SRGAP3: variants seen among roughly 807,000 people sequenced by gnomAD.
SRGAP3 encodes the protein SLIT-ROBO Rho GTPase activating protein 3.
SRGAP3 carries 39 observed loss-of-function variants against 121.1 expected under a neutral mutation model. That is an observed-to-expected ratio of 0.32 (90% CI 0.25 to 0.42). SRGAP3 has a LOEUF of 0.42. SRGAP3 is among the 10% of genes least tolerant of loss of function. The pLI, the probability that SRGAP3 is intolerant of heterozygous loss-of-function variation, is 1.00. For synonymous variants in SRGAP3, 601 were observed against 570.0 expected, an observed-to-expected ratio of 1.05 and a Z score of -0.77; for missense variants, 1,213 against 1,470.6, an observed-to-expected ratio of 0.82 and a Z score of 2.86.
At chr3:9,356,177 A>G (rs1379784337) in intron 1 of SRGAP3, among the ~76,000 whole-genome samples, 1 of 146,336 alleles carries the variant, frequency 6.8e-6, no homozygotes, top group Non-Finnish European at 1.5e-5. Flanking sequence ...AGACCTGTTT[A>G]TGGGACTTTT....
intron 3 of SRGAP3, among the ~76,000 whole-genome samples, chr3:9,304,124 A>T (rs2125275869): frequency 1.3e-5 from 2 of 152,320 alleles, no homozygotes; most frequent in Middle Eastern, 6.8e-3. Flanking sequence ...TACGACTTAC[A>T]GACCAGTTAG....
intron 1 of SRGAP3, among the ~76,000 whole-genome samples, chr3:9,197,640 T>A (rs1367463125): frequency 6.6e-6 from 1 of 152,222 alleles, no homozygotes; most frequent in Non-Finnish European, 1.5e-5. Flanking sequence ...GTAACTTGTC[T>A]ATAGTTGTGA....
intron 1 of SRGAP3, among the ~76,000 whole-genome samples, chr3:9,197,629 T>C (rs556025676): frequency 6.6e-6 from 1 of 152,334 alleles, no homozygotes; most frequent in East Asian, 1.9e-4. Context: ...CAGAAGACCA[T>C]GTAACTTGTC....
intron 4 of SRGAP3, among the ~76,000 whole-genome samples, chr3:9,077,384 G>A (rs1415269815): frequency 2.0e-5 from 3 of 152,106 alleles, no homozygotes; most frequent in Non-Finnish European, 2.9e-5. Context: ...GAATTTAACT[G>A]AGTTTCTGAG....
chr3:9,235,071 G>A (rs747949244), intron 1 of SRGAP3, among the ~76,000 whole-genome samples: 1 of 152,162 alleles, frequency 6.6e-6, no homozygotes, highest in Non-Finnish European at 1.5e-5. Context: ...AAAGACCTGA[G>A]ACAGAAGTGA....
intron 12 of SRGAP3, among the ~76,000 whole-genome samples, chr3:9,029,782 G>A (rs1454136665): frequency 6.6e-6 from 1 of 152,040 alleles, no homozygotes; most frequent in African/African-American, 2.4e-5. Context: ...CTCATAGTAG[G>A]TGCACAGTAT....
At chr3:9,154,989 A>ATGTTTTT (rs916965828) in intron 1 of SRGAP3, among the ~76,000 whole-genome samples, 39 of 147,024 alleles carry the variant, frequency 2.7e-4, no homozygotes, top group African/African-American at 9.8e-4. Context: ...GGTTTGTTTT[A>ATGTTTTT]TGTTTTTTGT....
chr3:9,108,442 A>G (rs1056846910), intron 2 of SRGAP3, among the ~76,000 whole-genome samples: 1 of 151,794 alleles, frequency 6.6e-6, no homozygotes, highest in African/African-American at 2.4e-5. Flanking sequence ...ACATAGCAAG[A>G]CTCCGTCTCT....
At chr3:9,147,403 T>C (rs894075019) in intron 1 of SRGAP3, among the ~76,000 whole-genome samples, 5 of 152,238 alleles carry the variant, frequency 3.3e-5, no homozygotes, top group African/African-American at 1.2e-4. Context: ...TGATCTCATT[T>C]AACACTGACC....
At chr3:9,087,094 A>G (rs746075141) in intron 3 of SRGAP3, among the ~76,000 whole-genome samples, 14 of 151,992 alleles carry the variant, frequency 9.2e-5, no homozygotes, top group Non-Finnish European at 1.3e-4. Context: ...ATGTGTATAT[A>G]TGTGTGTATA....
chr3:9,306,625 T>C (rs1314328634), intron 3 of SRGAP3, among the ~76,000 whole-genome samples: 1 of 152,246 alleles, frequency 6.6e-6, no homozygotes, highest in African/African-American at 2.4e-5. Context: ...GTTTCAGCTT[T>C]CTACCTATGG....
chr3:9,032,877 C>G (rs530779293), intron 11 of SRGAP3, 125 bp from the exon 12 acceptor site: 645 of 836,406 alleles, frequency 7.7e-4, no homozygotes, highest in Non-Finnish European at 1.1e-3. Flanking sequence ...CCTGACCCCC[C>G]GCCAAGACAT....
At chr3:9,162,403 T>TC (rs971185581) in intron 1 of SRGAP3, among the ~76,000 whole-genome samples, 3 of 151,850 alleles carry the variant, frequency 2.0e-5, no homozygotes, top group African/African-American at 2.4e-5. Context: ...TTTACACACC[T>TC]CCCCCCAAGA....
rs1412333046 is a variant in SRGAP3 at position 9,058,400 on chromosome 3, C to A, written c.874G>T (p.Glu292Ter). ...RTYLSAEYNL[E>*]TSRHEGLDVI... ...TCCAGCCCTTCGTGGCGAGAGGTCT[C>A]CAGGTTGTATTCAGCTGAGAGATAG... Residue 292 changes from glutamate to a stop codon, truncating the protein, a stop_gained, in exon 7 of 22, where the codon GAG becomes TAG. Coordinates refer to ENST00000383836, the MANE Select transcript of SRGAP3 (RefSeq NM_014850.4). LOFTEE classifies it high-confidence loss of function. 6.2e-7 allele frequency: 1 copy of A among 1,614,202 alleles called. No homozygotes were observed. Among genetic ancestry groups the A allele is most frequent in the Admixed American group, 1.7e-5 (1 of 60,022 alleles).
At chr3:9,261,122 A>C (rs1043105400) in intron 3 of SRGAP3, among the ~76,000 whole-genome samples, 15 of 152,226 alleles carry the variant, frequency 9.9e-5, no homozygotes, top group African/African-American at 3.4e-4. Flanking sequence ...TGTTAGAAGG[A>C]AAGCTAACAA....
rs1217739817 is a variant in SRGAP3, at chr3:8,985,898, T to C, written c.2921A>G (p.Glu974Gly). ...GTTCTGCCTCTCGAGTTCCCGCAAC[T>C]CGTGCAGAGCCGTGCTCATGGTCTT... Reference protein sequence around the residue: ...IEKTMSTALHELRELERQNTV... With the variant: ...IEKTMSTALHGLRELERQNTV... The change falls in exon 22 of 22, where the codon GAG becomes GGG. Residue 974 changes from glutamate (E) to glycine (G), a missense_variant. By Grantham distance (98) the Glu-to-Gly change is moderately conservative (BLOSUM62 -2). This residue lies in a region of SRGAP3 where 420 missense variants were observed against 437.7 expected (regional missense o/e 0.96). Coordinates refer to ENST00000383836, the MANE Select transcript of SRGAP3 (RefSeq NM_014850.4). The surrounding 1 kb of genome is among the most constrained non-coding windows in gnomAD (Gnocchi z 5.1). 6.3e-7 allele frequency: 1 copy of C among 1,599,628 alleles called. No homozygotes were observed.
At chr3:9,098,177 A>C (rs900814634) in intron 3 of SRGAP3, among the ~76,000 whole-genome samples, 19 of 152,186 alleles carry the variant, frequency 1.2e-4, no homozygotes, top group African/African-American at 3.6e-4. Flanking sequence ...TATCTGAATG[A>C]GTTACCGCTT....
chr3:9,199,041 C>G (rs1951992669), intron 1 of SRGAP3, among the ~76,000 whole-genome samples: 1 of 152,184 alleles, frequency 6.6e-6, no homozygotes, highest in Non-Finnish European at 1.5e-5. Context: ...ATTTTCCTTC[C>G]TGTCCCCATC....
At chr3:9,301,088 C>A (rs1395803080) in intron 3 of SRGAP3, among the ~76,000 whole-genome samples, 1 of 152,192 alleles carries the variant, frequency 6.6e-6, no homozygotes, top group African/African-American at 2.4e-5. Context: ...TCAATGTGAT[C>A]CTCATCAAGA....
Sources: allele counts gnomAD v4.1 joint callset (sites outside exome capture counted in the v4.1 genomes callset), GRCh38; gene constraint gnomAD v4.1.1; regional missense constraint gnomAD v4.1.1; non-coding constraint Gnocchi (gnomAD v3.1); transcripts MANE v1.5; gene names NCBI Gene and HGNC (gene_info 2026-07-23, HGNC 2026-07-21).